The following ADTRP variants were observed in gnomAD, a reference collection of about 807,000 sequenced individuals.
ADTRP encodes androgen-dependent TFPI-regulating protein.
In ADTRP, 20 loss-of-function variants were observed where a neutral mutation model predicts 27.0. The observed-to-expected ratio is 0.74, with a 90% CI of 0.52 to 1.08. The LOEUF is 1.08. ADTRP is among the 50% of genes least tolerant of loss of function. The pLI is 0.00. For missense variants in ADTRP, 251 were observed against 275.0 expected (o/e 0.91, Z 0.62); for synonymous variants, 101 against 105.2 (o/e 0.96, Z 0.25).
intron 4 of ADTRP, among the ~76,000 whole-genome samples, chr6:11,730,487 A>C (rs9469947): frequency 0.16 from 25,035 of 152,232 alleles, 2,229 homozygotes; most frequent in Middle Eastern, 0.22. Context: ...AAAGAGAAGA[A>C]GAGAATTGCT....
intron 3 of ADTRP, among the ~76,000 whole-genome samples, chr6:11,752,361 C>T (rs1763086317): frequency 6.6e-6 from 1 of 151,968 alleles, no homozygotes; most frequent in Non-Finnish European, 1.5e-5. Flanking sequence ...ATAACTTTCT[C>T]CTCACATTAA....
Position 11,775,328 on chromosome 6 carries a change from G to A in ADTRP, c.153+3279C>T, listed in dbSNP as rs577015374. On this transcript the variant is annotated intron_variant, in intron 1 of 5. Coordinates refer to ENST00000414691, the MANE Select transcript of ADTRP (RefSeq NM_032744.4). Reference sequence around the variant, plus strand: ...ACACCCTGCTGACGCCATTCTGAGCGCTTCCCACCTGTCAGATCATTTCTC... The same window carrying A: ...ACACCCTGCTGACGCCATTCTGAGCACTTCCCACCTGTCAGATCATTTCTC... 7.0e-4 allele frequency among the ~76,000 whole-genome samples: 106 copies of A among 152,142 alleles called. 2 individuals carry two copies. The South Asian group carries it at 0.022, about 31-fold the overall frequency.
At chr6:11,742,838 C>A (rs1037964955) in intron 3 of ADTRP, among the ~76,000 whole-genome samples, 1 of 152,106 alleles carries the variant, frequency 6.6e-6, no homozygotes, top group South Asian at 2.1e-4. Context: ...TCCAGAAGTA[C>A]CATTTTCCCC....
At position 11,724,862 on chromosome 6, in the gene ADTRP, C is replaced by A. The variant is rs1045171269; in HGVS notation, c.507-1362G>T. Among the ~76,000 whole-genome samples, 11 of 152,236 alleles carry A rather than the reference C, an allele frequency of 7.2e-5. No individual in the cohort carries two copies. The East Asian group carries it at 1.2e-3, about 16-fold the overall frequency. ...GTGCTTGGCACATTGTAATATTTGACAAGAGTTCAAAAGCTTCCATCTCCA... is the reference window on the plus strand; with the variant it reads ...GTGCTTGGCACATTGTAATATTTGAAAAGAGTTCAAAAGCTTCCATCTCCA... On this transcript the variant is annotated intron_variant, in intron 4 of 5. Coordinates refer to ENST00000414691, the MANE Select transcript of ADTRP (RefSeq NM_032744.4).
At position 11,714,109 on chromosome 6, in the gene ADTRP, T is replaced by G. The variant is rs914876341; in HGVS notation, c.*369A>C. The G allele has an allele frequency of 9.8e-6, 2 of 204,620 alleles. No homozygotes were observed. The highest frequency in any genetic ancestry group is 1.6e-4 in the East Asian group (1 of 6,250). The allele number at this position is 204,620 out of a possible 1,614,324, so 12.7% of individuals were successfully genotyped here. On this transcript the variant is annotated 3_prime_UTR_variant, in exon 6 of 6. Coordinates refer to ENST00000414691, the MANE Select transcript of ADTRP (RefSeq NM_032744.4). ...CTTCTCATCTAGGTCCTCAGCATCC[T>G]TCTCTGTAAACTGAAGAGTTTAAAT...
intron 3 of ADTRP, among the ~76,000 whole-genome samples, chr6:11,746,197 G>A (rs1181665745): frequency 6.6e-6 from 1 of 152,174 alleles, no homozygotes; most frequent in African/African-American, 2.4e-5. Context: ...GTAAATTTAT[G>A]AGTTTGACAC....
chr6:11,730,022 T>A (rs922003458), intron 4 of ADTRP, among the ~76,000 whole-genome samples: 46 of 152,224 alleles, frequency 3.0e-4, no homozygotes, highest in African/African-American at 1.1e-3. Context: ...AGTTTTACTC[T>A]CTTCATGCCG....
At position 11,766,272 on chromosome 6, in the gene ADTRP, A is replaced by T. The variant is rs1252115151; in HGVS notation, c.390+2T>A. 1.2e-6 allele frequency: 2 copies of T among 1,604,250 alleles called. No homozygotes were observed. Among genetic ancestry groups the T allele is most frequent in the Non-Finnish European group, 1.7e-6 (2 of 1,174,082 alleles). ...AGTTCACTGAATTTTCCCCTCACTC[A>T]CCATTGCATGATTCAGCCACACGGG... On this transcript the variant is annotated splice_donor_variant, in intron 3 of 5. Transcript: ENST00000414691. LOFTEE classifies it high-confidence loss of function.
chr6:11,771,399 C>G (rs1763775744), intron 1 of ADTRP, among the ~76,000 whole-genome samples: 1 of 152,214 alleles, frequency 6.6e-6, no homozygotes, highest in African/African-American at 2.4e-5. Flanking sequence ...GAAAAGAAAC[C>G]TGCAAGAGCT....
In ADTRP at chr6:11,735,570, G is replaced by A. The variant is rs780758783; in HGVS notation, c.504C>T (p.Ser168=). Residue 168 remains serine (S), a splice_region_variant and synonymous_variant, in exon 4 of 6, where the codon AGC becomes AGT. Coordinates refer to ENST00000414691, the MANE Select transcript of ADTRP (RefSeq NM_032744.4). ...LLAAASIAYI[S]RILWLYFETG... is the part of the protein sequence containing the mutation. ...GACTTTCTCCATGTAATTCTTACCG[G>A]CTGATGTAAGCAATGCTGGCAGCAG... 5.0e-6 allele frequency: 8 copies of A among 1,609,446 alleles called. No individual in the cohort carries two copies. Among genetic ancestry groups the A allele is most frequent in the Non-Finnish European group, 1.7e-6 (2 of 1,176,136 alleles).
At chr6:11,719,727 T>C (rs1318978013) in intron 5 of ADTRP, among the ~76,000 whole-genome samples, 1 of 152,220 alleles carries the variant, frequency 6.6e-6, no homozygotes, top group Non-Finnish European at 1.5e-5. Context: ...TAGCCTCCAA[T>C]AGCCTGACCT....
intron 3 of ADTRP, among the ~76,000 whole-genome samples, chr6:11,757,097 CTCT>C (rs1763235319): frequency 6.6e-6 from 1 of 152,212 alleles, no homozygotes; most frequent in Non-Finnish European, 1.5e-5. Flanking sequence ...TATTTTTACT[CTCT>C]TCTTCTTTTG....
chr6:11,723,553 A>G (rs781599828), intron 4 of ADTRP, 53 bp from the exon 5 acceptor site: 151 of 1,597,592 alleles, frequency 9.5e-5, no homozygotes, highest in Non-Finnish European at 1.2e-4. Context: ...AAAACAAGCC[A>G]TTTTCTCATC....
intron 4 of ADTRP, among the ~76,000 whole-genome samples, chr6:11,728,132 C>T (rs918587257): frequency 7.2e-5 from 11 of 152,222 alleles, no homozygotes; most frequent in African/African-American, 2.2e-4. Flanking sequence ...CTTCAGCGCA[C>T]ACATTTCACA....
chr6:11,755,021 T>C, intron 3 of ADTRP: 3 of 984,848 alleles, frequency 3.0e-6, no homozygotes, highest in Non-Finnish European at 3.6e-6. Context: ...GGATCTTCTG[T>C]TATGAGTTTC....
chr6:11,772,519 G>A (rs1017044381), intron 1 of ADTRP, among the ~76,000 whole-genome samples: 5 of 152,160 alleles, frequency 3.3e-5, no homozygotes, highest in Non-Finnish European at 7.3e-5. Context: ...TATTTAAAAA[G>A]TAATTCCAGG....
At chr6:11,723,235 G>A (rs1762075000) in intron 5 of ADTRP, 114 bp downstream of exon 5, 10 of 1,397,424 alleles carry the variant, frequency 7.2e-6, no homozygotes, top group African/African-American at 1.4e-5. Context: ...TTTGGACAAA[G>A]ACAGTAAGCA....
At chr6:11,723,960 G>A (rs963561430) in intron 4 of ADTRP, among the ~76,000 whole-genome samples, 2 of 152,026 alleles carry the variant, frequency 1.3e-5, no homozygotes, top group African/African-American at 2.4e-5. Context: ...CTAGGGAGGC[G>A]GAGGAAGAAG....
chr6:11,773,370 C>T (rs1763848873), intron 1 of ADTRP, among the ~76,000 whole-genome samples: 1 of 152,168 alleles, frequency 6.6e-6, no homozygotes, highest in Non-Finnish European at 1.5e-5. Flanking sequence ...CGCTCTCAGA[C>T]ATCTATGAGA....
Sources: gnomAD v4.1 joint callset for allele counts (sites outside exome capture counted in the v4.1 genomes callset) on GRCh38, gnomAD v4.1.1 for gene constraint, MANE v1.5 for transcripts, NCBI Gene and HGNC (gene_info 2026-07-23, HGNC 2026-07-21) for gene names.